The following KAZN variants were observed in gnomAD, a reference collection of about 807,000 sequenced individuals.
KAZN encodes kazrin.
Under a neutral mutation model 87.4 loss-of-function variants are expected in KAZN, and 40 were observed. That is an observed-to-expected ratio of 0.46 (90% confidence interval 0.36 to 0.60). The LOEUF is 0.60. Among genes scored for constraint, KAZN ranks in the 20% least tolerant of loss-of-function variants. The pLI, the probability that KAZN is intolerant of heterozygous loss-of-function variation, is 0.00. For synonymous variants in KAZN, 466 were observed against 458.3 expected (o/e 1.02, Z -0.22); for missense variants, 898 against 1,073.9 (o/e 0.84, Z 2.29).
At chr1:15,086,113 G>C (rs1640240943) in intron 8 of KAZN, among the ~76,000 whole-genome samples, 2 of 152,094 alleles carry the variant, frequency 1.3e-5, no homozygotes, top group African/African-American at 4.8e-5. Context: ...TGGGATTACA[G>C]GCGCCCCCGA....
At chr1:14,703,197 C>T (rs1263420843) in intron 1 of KAZN, among the ~76,000 whole-genome samples, 1 of 152,160 alleles carries the variant, frequency 6.6e-6, no homozygotes, top group Non-Finnish European at 1.5e-5. Flanking sequence ...GGAGATTGGT[C>T]AAGAGTAGGT....
intron 8 of KAZN, among the ~76,000 whole-genome samples, chr1:15,082,812 C>T (rs565600187): frequency 6.6e-6 from 1 of 152,352 alleles, no homozygotes; most frequent in Admixed American, 6.5e-5. Flanking sequence ...CATGCCTCAG[C>T]CTCTCAAGTA....
At chr1:14,286,906 A>G (rs1653294238) in intron 2 of KAZN, among the ~76,000 whole-genome samples, 1 of 152,228 alleles carries the variant, frequency 6.6e-6, no homozygotes, top group Admixed American at 6.5e-5. Flanking sequence ...AAACTGTGCT[A>G]ATGAAATTCA....
At chr1:14,454,803 T>A (rs1016688124) in intron 2 of KAZN, among the ~76,000 whole-genome samples, 1 of 152,218 alleles carries the variant, frequency 6.6e-6, no homozygotes, top group African/African-American at 2.4e-5. Flanking sequence ...ATCCATTGCT[T>A]CATAACACAT....
At chr1:14,713,318 G>T (rs989877565) in intron 1 of KAZN, among the ~76,000 whole-genome samples, 1 of 152,204 alleles carries the variant, frequency 6.6e-6, no homozygotes, top group Non-Finnish European at 1.5e-5. Context: ...CCACGTCCAG[G>T]TGTGAAGAAC....
At chr1:14,144,061 T>G (rs1645295681) in intron 1 of KAZN, among the ~76,000 whole-genome samples, 1 of 152,168 alleles carries the variant, frequency 6.6e-6, no homozygotes, top group African/African-American at 2.4e-5. Context: ...TCCCAAACTC[T>G]CCTCTGTAGT....
intron 2 of KAZN, among the ~76,000 whole-genome samples, chr1:14,262,171 T>C (rs959583092): frequency 2.0e-5 from 3 of 152,102 alleles, no homozygotes; most frequent in African/African-American, 7.2e-5. Context: ...CCCAGCACTT[T>C]GGGAAGCTGA....
chr1:14,310,363 CAGATT>C (rs1248376427), intron 2 of KAZN, among the ~76,000 whole-genome samples: 1 of 152,184 alleles, frequency 6.6e-6, no homozygotes, highest in African/African-American at 2.4e-5. Context: ...GGATTCTAAA[CAGATT>C]AGAAAACTCC....
At chr1:15,107,057 C>T (rs893559833) in intron 13 of KAZN, among the ~76,000 whole-genome samples, 30 of 152,154 alleles carry the variant, frequency 2.0e-4, no homozygotes, top group African/African-American at 7.2e-4. Context: ...AGGACTGGAA[C>T]CAGAGCAGGA....
At chr1:14,470,472 A>C (rs1232245328) in intron 2 of KAZN, among the ~76,000 whole-genome samples, 1 of 152,226 alleles carries the variant, frequency 6.6e-6, no homozygotes, top group Non-Finnish European at 1.5e-5. Context: ...ACCATTTGAC[A>C]GTCTGGTCAT....
At chr1:14,551,391 C>T (rs751471430) in intron 2 of KAZN, among the ~76,000 whole-genome samples, 1 of 152,180 alleles carries the variant, frequency 6.6e-6, no homozygotes, top group Non-Finnish European at 1.5e-5. Context: ...CCAAATTAAA[C>T]CCCTGTAGAG....
chr1:14,069,019 G>A (rs912045068), intron 1 of KAZN, among the ~76,000 whole-genome samples: 1 of 152,136 alleles, frequency 6.6e-6, no homozygotes, highest in Non-Finnish European at 1.5e-5. Context: ...GGCTGGTCTC[G>A]AACTCCTGAC....
At chr1:14,601,400 A>T (rs775891371) in intron 1 of KAZN, among the ~76,000 whole-genome samples, 1 of 151,950 alleles carries the variant, frequency 6.6e-6, no homozygotes, top group Non-Finnish European at 1.5e-5. Flanking sequence ...TAGCAACAGT[A>T]CTTGATACAT....
At position 14,137,837 on chromosome 1, in the gene KAZN, T is replaced by G. The variant is rs1380431805; in HGVS notation, c.92-42598T>G. 3.3e-5 allele frequency among the ~76,000 whole-genome samples: 5 copies of G among 151,246 alleles called. No homozygotes were observed. The Admixed American group carries it at 3.3e-4, about 10-fold the overall frequency. On this transcript the variant is annotated intron_variant, in intron 1 of 16. Coordinates refer to the KAZN transcript ENST00000636203. ...GATTCTCCTGCCTCAGCCTCCTGAG[T>G]AGCTGGGATTACAGGCTTGTGCCAC...
chr1:14,807,237 G>C (rs1572534465), intron 1 of KAZN, among the ~76,000 whole-genome samples: 1 of 152,264 alleles, frequency 6.6e-6, no homozygotes, highest in East Asian at 1.9e-4. Context: ...TTAGGTTCTG[G>C]GGCTGCCTGG....
intron 1 of KAZN, among the ~76,000 whole-genome samples, chr1:14,823,831 G>A (rs1646805269): frequency 6.6e-6 from 1 of 152,130 alleles, no homozygotes; most frequent in Admixed American, 6.6e-5. Flanking sequence ...GGGAATGAGT[G>A]GGCCCGGCGT....
intron 1 of KAZN, among the ~76,000 whole-genome samples, chr1:14,640,332 T>G (rs1466142657): frequency 6.6e-6 from 1 of 152,122 alleles, no homozygotes; most frequent in African/African-American, 2.4e-5. Flanking sequence ...TCTGTTGCCA[T>G]GGAGGAGGCA....
rs546378717 is a variant in KAZN at position 14,328,698 on chromosome 1, G to A, written c.249+148106G>A. On this transcript the variant is annotated intron_variant, in intron 2 of 16. Coordinates refer to the KAZN transcript ENST00000636203. ...AGCCTGGGCAACAGAGCAAGACTCT[G>A]TCTCAAAAAAAAAGAAACTCTAAGA... Among the ~76,000 whole-genome samples the A allele has an allele frequency of 1.4e-3, 182 of 127,384 alleles. 2 individuals are homozygous for A. The highest frequency in any genetic ancestry group is 2.2e-3 in the Non-Finnish European group (140 of 63,388). 83.6% of individuals were successfully genotyped at this position (127,384 alleles called of 152,430 possible). A position where few individuals can be genotyped will look rare whatever the true frequency, so the allele number is the denominator to read the frequency against.
At chr1:13,976,076 A>G (rs560043233) in intron 1 of KAZN, among the ~76,000 whole-genome samples, 10 of 152,202 alleles carry the variant, frequency 6.6e-5, no homozygotes, top group Non-Finnish European at 1.5e-4. Flanking sequence ...TGGTTCTTCC[A>G]TTAATATACC....
Sources: allele counts gnomAD v4.1 joint callset (sites outside exome capture counted in the v4.1 genomes callset), GRCh38; gene constraint gnomAD v4.1.1; transcripts MANE v1.5; gene names NCBI Gene and HGNC (gene_info 2026-07-23, HGNC 2026-07-21).